The following RGN variants were observed in gnomAD, a reference collection of about 807,000 sequenced individuals.
RGN encodes epididymis secretory protein Li 41.
Under a neutral mutation model 20.6 loss-of-function variants are expected in RGN, and 19 were observed. The ratio of observed to expected loss-of-function variants is 0.92; its 90% confidence interval spans 0.64 to 1.35. The LOEUF is 1.35. RGN is among the 40% of genes most tolerant of loss of function. RGN has a pLI of 0.00. For missense variants in RGN, 302 were observed against 232.7 expected, an observed-to-expected ratio of 1.30 and a Z score of -1.94; for synonymous variants, 85 against 87.2, an observed-to-expected ratio of 0.97 and a Z score of 0.14.
intron 3 of RGN, among the ~76,000 whole-genome samples, chrX:47,082,782 C>T (rs915650655): frequency 4.4e-4 from 48 of 109,461 alleles, no homozygotes; most frequent in South Asian, 8.0e-4. Context: ...CTGAAAAGCC[C>T]GCCCCCACCA....
At position 47,084,461 on chromosome X, in the gene RGN, T is replaced by C. The variant is rs1556383102; in HGVS notation, c.207T>C (p.Tyr69=). 8.3e-7 allele frequency: 1 copy of C among 1,206,765 alleles called. No homozygotes were observed. Among genetic ancestry groups the C allele is most frequent in the Admixed American group, 2.2e-5 (1 of 45,585 alleles). The stretch of plus-strand genomic sequence containing the variant: ...TGGCTCTTCGCCAGTCGGGAGGCTA[T>C]GTTGCCACCATTGGAACAAAGTTCT... ...SSVALRQSGG[Y]VATIGTKFCA... is the part of the protein sequence containing the mutation. The change falls in exon 4 of 8, where the codon TAT becomes TAC. Residue 69 remains tyrosine (Y), a synonymous_variant. Transcript: ENST00000397180.
At chrX:47,082,571 C>A (rs1409207912) in intron 3 of RGN, among the ~76,000 whole-genome samples, 1 of 111,047 alleles carries the variant, frequency 9.0e-6, no homozygotes, top group Non-Finnish European at 1.9e-5. Context: ...CCTTGGCCTC[C>A]CAAAGTGCTG....
In RGN at chrX:47,090,944, GA is replaced by G. The variant is rs369434723; in HGVS notation, c.563-731del. Among the ~76,000 whole-genome samples, 6 of 38,123 alleles carry G rather than the reference GA, an allele frequency of 1.6e-4. 1 individual carries two copies. The highest frequency in any genetic ancestry group is 6.9e-4 in the Admixed American group (3 of 4,359). The allele number at this position is 38,123 out of a possible 115,157, so 33.1% of individuals were successfully genotyped here. On this transcript the variant is annotated intron_variant, in intron 5 of 7. Transcript: ENST00000397180. The stretch of plus-strand genomic sequence containing the variant: ...AGAAAGAAAGAAAGAAAGAAAGAAA[GA>G]AAGAAAGAAAGAAAGAAAGAAAGAA...
At chrX:47,088,527 C>T (rs1556385187) in intron 4 of RGN, among the ~76,000 whole-genome samples, 1 of 111,014 alleles carries the variant, frequency 9.0e-6, no homozygotes, top group Non-Finnish European at 1.9e-5. Context: ...TTTTCGGCAT[C>T]TGTTGATTCT....
rs1931037107 is a variant in RGN at position 47,092,047 on chromosome X, A to G, written c.695-14A>G. On this transcript the variant is annotated splice_polypyrimidine_tract_variant and intron_variant, in intron 6 of 7. Coordinates refer to ENST00000397180, the MANE Select transcript of RGN (RefSeq NM_152869.4). ...GCTACAACTAAACTTAAAATAAAAT[A>G]TTTGGTGGTCTAGGGAAAAGACTTC... 1 of 1,194,966 alleles carries G rather than the reference A, an allele frequency of 8.4e-7. No individual in the cohort carries two copies. Among genetic ancestry groups the G allele is most frequent in the Admixed American group, 2.3e-5 (1 of 44,293 alleles).
intron 5 of RGN, 115 bp from the exon 6 acceptor site, chrX:47,091,563 A>G: frequency 1.3e-6 from 1 of 798,136 alleles, no homozygotes; most frequent in Non-Finnish European, 1.8e-6. Flanking sequence ...GACACTGGAT[A>G]AGCTGAAGTG....
At chrX:47,085,302 G>A (rs782383256) in intron 4 of RGN, among the ~76,000 whole-genome samples, 67 of 111,258 alleles carry the variant, frequency 6.0e-4, no homozygotes, top group Non-Finnish European at 1.0e-3. Flanking sequence ...GGCAGATCAC[G>A]AGGTCAGGAG....
chrX:47,083,829 T>C (rs1473838087), intron 3 of RGN, among the ~76,000 whole-genome samples: 1 of 109,866 alleles, frequency 9.1e-6, no homozygotes, highest in Non-Finnish European at 1.9e-5. Context: ...GGAGAATTGC[T>C]TGAACCCAGG....
chrX:47,084,910 G>A (rs1374994224), intron 4 of RGN: 10 of 221,946 alleles, frequency 4.5e-5, no homozygotes, highest in Admixed American at 3.5e-4. Flanking sequence ...AGCCAAGATC[G>A]TGCCACTGCA....
chrX:47,086,979 A>G (rs1287374611), intron 4 of RGN, among the ~76,000 whole-genome samples: 1 of 110,747 alleles, frequency 9.0e-6, no homozygotes, highest in Middle Eastern at 4.2e-3. Context: ...CAACATGGGG[A>G]GATACTCTAA....
In RGN at chrX:47,084,587, G is replaced by A. The variant is rs1930503334; in HGVS notation, c.333G>A (p.Gly111=). 4.2e-6 allele frequency: 5 copies of A among 1,184,818 alleles called. No individual in the cohort carries two copies. In the African/African-American group the frequency reaches 7.1e-5, roughly 17 times the overall value. Residue 111 remains glycine, a synonymous_variant, in exon 4 of 8, where the codon GGG becomes GGA. Coordinates refer to ENST00000397180, the MANE Select transcript of RGN (RefSeq NM_152869.4). ...RFNDGKVDPA[G]RYFAGTMAEE... ...ATGATGGGAAGGTGGATCCCGCCGG[G>A]AGGTACTTTGCTGGTAAGATTTCTC...
At chrX:47,092,007 C>A in intron 6 of RGN, 54 bp from the exon 7 acceptor site, 1 of 1,098,870 alleles carries the variant, frequency 9.1e-7, no homozygotes, top group Non-Finnish European at 1.2e-6. Context: ...AGAAACAATA[C>A]ACAGGTTGGA....
At chrX:47,089,600 C>CTTTAT (rs1569540581) in intron 4 of RGN, among the ~76,000 whole-genome samples, 176 bp from the exon 5 acceptor site, 28 of 14,996 alleles carry the variant, frequency 1.9e-3, no homozygotes, top group African/African-American at 2.3e-3. Context: ...TATATATATA[C>CTTTAT]ACACACACAC....
At chrX:47,083,916 C>CA (rs112133000) in intron 3 of RGN, among the ~76,000 whole-genome samples, 101 of 54,752 alleles carry the variant, frequency 1.8e-3, no homozygotes, top group African/African-American at 9.3e-3. Flanking sequence ...CTGTCTCAAA[C>CA]AAAACAAACA....
At chrX:47,084,686 T>C in intron 4 of RGN, 86 bp downstream of exon 4, 1 of 870,009 alleles carries the variant, frequency 1.1e-6, no homozygotes, top group Non-Finnish European at 1.6e-6. Flanking sequence ...ACCAGGGTGG[T>C]GGCTCCCGCC....
chrX:47,090,866 AAAAGAAAG>A (rs782781609), intron 5 of RGN, among the ~76,000 whole-genome samples: 2 of 89,975 alleles, frequency 2.2e-5, no homozygotes, highest in African/African-American at 7.7e-5. Flanking sequence ...TGTCAAAAAA[AAAAGAAAG>A]AAAGAAAGAA....
At chrX:47,087,637 C>A (rs966484601) in intron 4 of RGN, 1 of 108,523 alleles carries the variant, frequency 9.2e-6, no homozygotes, top group Admixed American at 1.0e-4. Flanking sequence ...AGTTCTGAGG[C>A]ACTCTGTGAG....
intron 7 of RGN, 64 bp downstream of exon 7, chrX:47,092,279 C>A: frequency 1.1e-6 from 1 of 942,187 alleles, no homozygotes; most frequent in Non-Finnish European, 1.5e-6. Context: ...GGGTAAGTAA[C>A]TGAGTGATTG....
At chrX:47,087,132 A>G (rs1217902660) in intron 4 of RGN, among the ~76,000 whole-genome samples, 3 of 112,187 alleles carry the variant, frequency 2.7e-5, no homozygotes, top group African/African-American at 6.5e-5. Flanking sequence ...CTACAGTTTT[A>G]AATTAGATAC....
Sources: gnomAD v4.1 joint callset for allele counts (sites outside exome capture counted in the v4.1 genomes callset) on GRCh38, gnomAD v4.1.1 for gene constraint, MANE v1.5 for transcripts, NCBI Gene and HGNC (gene_info 2026-07-23, HGNC 2026-07-21) for gene names.